Variants in FAM83G observed in about 807,000 individuals in gnomAD.
The protein encoded by FAM83G is protein FAM83G.
Under a neutral mutation model 61.5 loss-of-function variants are expected in FAM83G, and 38 were observed. The ratio of observed to expected loss-of-function variants is 0.62; its 90% CI spans 0.48 to 0.81. FAM83G has a LOEUF of 0.81. Ranked by LOEUF, FAM83G falls within the 30% of genes least tolerant of loss-of-function variation. FAM83G has a pLI of 0.00. For missense variants in FAM83G, 989 were observed against 1,133.6 expected, an observed-to-expected ratio of 0.87 and a Z score of 1.83; for synonymous variants, 470 against 476.1, an observed-to-expected ratio of 0.99 and a Z score of 0.17.
At position 18,979,569 on chromosome 17, in the gene FAM83G, C is replaced by A; in HGVS notation, c.795G>T (p.Arg265=). Reference sequence around the variant, plus strand: ...GTCACCTGTAGGAGCCGCACACAGCCCGGTCTCCATCCACAAACATGAACT... The same window carrying A: ...GTCACCTGTAGGAGCCGCACACAGCACGGTCTCCATCCACAAACATGAACT... ...AQKFMFVDGD[R]AVCGSYSFTW... is the part of the protein sequence containing the mutation. Residue 265 remains arginine (R), a synonymous_variant, in exon 4 of 6, where the codon CGG becomes CGT. Coordinates refer to ENST00000388995, the MANE Select transcript of FAM83G (RefSeq NM_001039999.3). 6.2e-7 allele frequency: 1 copy of A among 1,613,452 alleles called. No individual in the cohort carries two copies. Among genetic ancestry groups the A allele is most frequent in the South Asian group, 1.1e-5 (1 of 91,084 alleles).
At chr17:18,986,523 C>G (rs779765430) in intron 3 of FAM83G, among the ~76,000 whole-genome samples, 2 of 152,218 alleles carry the variant, frequency 1.3e-5, no homozygotes, top group Non-Finnish European at 2.9e-5. Context: ...GGAGCCTCAT[C>G]TGAATGACCT....
At chr17:18,995,152 A>AT (rs1334221219) in intron 2 of FAM83G, among the ~76,000 whole-genome samples, 7 of 152,332 alleles carry the variant, frequency 4.6e-5, no homozygotes, top group Admixed American at 4.6e-4. Context: ...ACAAGAAAAC[A>AT]TGATGCACAT....
chr17:18,984,332 CAAAAAA>C (rs1176935676), intron 3 of FAM83G, among the ~76,000 whole-genome samples: 2 of 68,014 alleles, frequency 2.9e-5, no homozygotes, highest in African/African-American at 5.4e-5. Flanking sequence ...GACTCCCTCT[CAAAAAA>C]AAAAAAAAAA....
intron 2 of FAM83G, among the ~76,000 whole-genome samples, chr17:18,997,595 T>G (rs1439039783): frequency 2.0e-5 from 3 of 152,248 alleles, no homozygotes; most frequent in Non-Finnish European, 4.4e-5. Flanking sequence ...AGCATCCTAA[T>G]GCCCCAGAAA....
intron 3 of FAM83G, among the ~76,000 whole-genome samples, chr17:18,981,724 G>C (rs921711245): frequency 1.3e-5 from 2 of 152,318 alleles, no homozygotes; most frequent in Non-Finnish European, 2.9e-5. Flanking sequence ...ATAGGGCCCA[G>C]TGCAGAAGGC....
intron 5 of FAM83G, among the ~76,000 whole-genome samples, chr17:18,974,438 C>A (rs1310784331): frequency 6.6e-6 from 1 of 152,262 alleles, no homozygotes; most frequent in Non-Finnish European, 1.5e-5. Context: ...CTGGGCTATG[C>A]CCCTGCCCCT....
intron 2 of FAM83G, among the ~76,000 whole-genome samples, chr17:18,999,703 G>A (rs2043678145): frequency 6.6e-6 from 1 of 152,212 alleles, no homozygotes; most frequent in Non-Finnish European, 1.5e-5. Context: ...GCGGGGGCCT[G>A]ACAGAAAAAA....
chr17:18,970,719 T>G lies in FAM83G; in HGVS notation c.*640A>C, dbSNP rs1430253381. 3 of 450,104 alleles carry G rather than the reference T, an allele frequency of 6.7e-6. No individual in the cohort carries two copies. Among genetic ancestry groups the G allele is most frequent in the Admixed American group, 3.6e-5 (1 of 28,100 alleles). The allele number at this position is 450,104 out of a possible 1,614,324, so 27.9% of individuals were successfully genotyped here. On this transcript the variant is annotated 3_prime_UTR_variant, in exon 6 of 6. Transcript: ENST00000388995. ...ACCACTTGCCCAAGGCCGATGAGTG[T>G]CCAGAGGCCAACAGTGACTCCTGCT...
At position 18,988,730 on chromosome 17, in the gene FAM83G, C is replaced by T. The variant is rs184727402; in HGVS notation, c.523-316G>A. Among the ~76,000 whole-genome samples, 52 of 152,356 alleles carry T rather than the reference C, an allele frequency of 3.4e-4. 1 individual carries two copies. The highest frequency in any genetic ancestry group is 1.1e-3 in the African/African-American group (46 of 41,574). On this transcript the variant is annotated intron_variant, in intron 2 of 5. Coordinates refer to ENST00000388995, the MANE Select transcript of FAM83G (RefSeq NM_001039999.3). The stretch of plus-strand genomic sequence containing the variant: ...GAGATGAACCTGATGTGTCAATGAC[C>T]GGAAGGGCAGCAGCTGGCGTGGCGG...
At chr17:18,983,183 C>G (rs1338793971) in intron 3 of FAM83G, among the ~76,000 whole-genome samples, 1 of 152,336 alleles carries the variant, frequency 6.6e-6, no homozygotes, top group East Asian at 1.9e-4. Flanking sequence ...TGGGCTGGGC[C>G]GGGACTGAGG....
At chr17:19,002,819 G>T (rs1037891918) in intron 2 of FAM83G, among the ~76,000 whole-genome samples, 1 of 152,190 alleles carries the variant, frequency 6.6e-6, no homozygotes, top group Non-Finnish European at 1.5e-5. Flanking sequence ...CCCAACAGGG[G>T]TGGAGAAGGG....
intron 2 of FAM83G, among the ~76,000 whole-genome samples, chr17:18,989,433 C>T (rs891715411): frequency 1.3e-5 from 2 of 148,198 alleles, no homozygotes; most frequent in African/African-American, 2.6e-5. Flanking sequence ...CATCTGGGCT[C>T]CTCCTGGGCC....
rs373612714 is a variant in FAM83G at position 18,978,233 on chromosome 17, G to C, written c.1433C>G (p.Pro478Arg). The C allele has an allele frequency of 3.1e-6, 5 of 1,588,638 alleles. No individual in the cohort carries two copies. In the African/African-American group the frequency reaches 5.4e-5, roughly 17 times the overall value. Residue 478 changes from proline (P) to arginine (R), a missense_variant, in exon 5 of 6, where the codon CCA becomes CGA. Physicochemically the swap from Pro to Arg is moderately radical, Grantham distance 103. Coordinates refer to ENST00000388995, the MANE Select transcript of FAM83G (RefSeq NM_001039999.3). ...ACCGTCCTGGGGGGCACTGGGCTCT[G>C]GGGGAGGGCAAGGCTCTGGACGGGG... ...SRPRPEPCPP[P>R]EPSAPQDGVP...
rs773574181 is a variant in FAM83G, at chr17:18,979,652, C to T, written c.712G>A (p.Gly238Arg). 33 of 1,613,356 alleles carry T rather than the reference C, an allele frequency of 2.0e-5. No homozygotes were observed. Among genetic ancestry groups the T allele is most frequent in the East Asian group, 4.5e-5 (2 of 44,896 alleles). ...HLKNLRVRSS[G>R]GTEFFTRSAT... ...GACCGCGTGAAGAACTCAGTTCCCC[C>T]GCTGCTCCGCACTCTGAGATTCTGT... The change falls in exon 4 of 6, where the codon GGG becomes AGG. Residue 238 changes from glycine to arginine, a missense_variant. Gly to Arg is a moderately radical substitution (Grantham distance 125, BLOSUM62 -2). Coordinates refer to ENST00000388995, the MANE Select transcript of FAM83G (RefSeq NM_001039999.3).
At chr17:18,979,281 C>A in intron 4 of FAM83G, 1 of 512,864 alleles carries the variant, frequency 1.9e-6, no homozygotes, top group South Asian at 2.3e-5. Context: ...CTCAGAGTGA[C>A]CCCCATAGGC....
Position 18,970,836 on chromosome 17 carries a change from TA to T in FAM83G, c.*522del, listed in dbSNP as rs530597462. Reference sequence around the variant, plus strand: ...ATAAAATAGTCATTCAAATACACCTTAAAAAAAAAAACAACCCTCTACCCTC... The same window carrying T: ...ATAAAATAGTCATTCAAATACACCTTAAAAAAAAAACAACCCTCTACCCTC... On this transcript the variant is annotated 3_prime_UTR_variant, in exon 6 of 6. Transcript: ENST00000388995. 2,274 of 496,650 alleles carry T rather than the reference TA, an allele frequency of 4.6e-3. No individual in the cohort carries two copies. Among genetic ancestry groups the T allele is most frequent in the Middle Eastern group, 6.2e-3 (11 of 1,778 alleles). 30.8% of individuals were successfully genotyped at this position (496,650 alleles called of 1,614,324 possible).
At chr17:18,974,341 AG>A (rs1192361408) in intron 5 of FAM83G, among the ~76,000 whole-genome samples, 1 of 152,228 alleles carries the variant, frequency 6.6e-6, no homozygotes, top group Admixed American at 6.5e-5. Flanking sequence ...ATCCATGACA[AG>A]TAGGTGGCAT....
At position 19,000,756 on chromosome 17, in the gene FAM83G, C is replaced by T. The variant is rs558228631; in HGVS notation, c.522+2764G>A. 6.6e-6 allele frequency among the ~76,000 whole-genome samples: 1 copy of T among 152,146 alleles called. No individual in the cohort carries two copies. Among genetic ancestry groups the T allele is most frequent in the African/African-American group, 2.4e-5 (1 of 41,436 alleles). On this transcript the variant is annotated intron_variant, in intron 2 of 5. Coordinates refer to ENST00000388995, the MANE Select transcript of FAM83G (RefSeq NM_001039999.3). This position sits in a 1 kb window ranked among gnomAD's most constrained non-coding sequence, Gnocchi z 5.2. ...CAGGCAGAGTTCTCCCTACACAATACCAGAGTGAGAAGGGGAGGTGGAAGC... is the reference window on the plus strand; with the variant it reads ...CAGGCAGAGTTCTCCCTACACAATATCAGAGTGAGAAGGGGAGGTGGAAGC...
rs1267553234 is a variant in FAM83G, at chr17:19,003,376, C to T, written c.522+144G>A. Reference sequence around the variant, plus strand: ...CCCCACGAAGGTGGGGAGGAAACCTCCACCCAAGAGGCAGCCAGGGAAAAC... The same window carrying T: ...CCCCACGAAGGTGGGGAGGAAACCTTCACCCAAGAGGCAGCCAGGGAAAAC... On this transcript the variant is annotated intron_variant, in intron 2 of 5. Transcript: ENST00000388995. This position sits in a 1 kb window ranked among gnomAD's most constrained non-coding sequence, Gnocchi z 4.5. 4.4e-6 allele frequency: 4 copies of T among 900,624 alleles called. No individual in the cohort carries two copies. The highest frequency in any genetic ancestry group is 3.0e-4 in the Middle Eastern group (1 of 3,310). The allele number at this position is 900,624 out of a possible 1,614,324, so 55.8% of individuals were successfully genotyped here.
Sources: gnomAD v4.1 joint callset for allele counts (sites outside exome capture counted in the v4.1 genomes callset) on GRCh38, gnomAD v4.1.1 for gene constraint, Gnocchi (gnomAD v3.1) non-coding constraint, MANE v1.5 for transcripts, NCBI Gene and HGNC (gene_info 2026-07-23, HGNC 2026-07-21) for gene names.